ABCB5: variants seen among roughly 807,000 people sequenced by gnomAD.
The protein encoded by ABCB5 is ATP-binding cassette sub-family B member 5.
ABCB5 carries 155 observed loss-of-function variants against 144.2 expected under a neutral mutation model. The ratio of observed to expected loss-of-function variants is 1.08; its 90% CI spans 0.94 to 1.23. The LOEUF is 1.23. Among genes scored for constraint, ABCB5 ranks in the 50% most tolerant of loss-of-function variants. The probability of loss-of-function intolerance (pLI) is 0.00; values close to 1 mark genes in which losing one functional copy is unlikely to be tolerated. For synonymous variants in ABCB5, 610 were observed against 528.6 expected, an observed-to-expected ratio of 1.15 and a Z score of -2.11; for missense variants, 1,830 against 1,520.8, an observed-to-expected ratio of 1.20 and a Z score of -3.38.
At chr7:20,708,057 G>A (rs1034403758) in intron 20 of ABCB5, among the ~76,000 whole-genome samples, 1 of 151,796 alleles carries the variant, frequency 6.6e-6, no homozygotes, top group African/African-American at 2.4e-5. Context: ...CGCCCGCCTC[G>A]GCCTCCCAAA....
chr7:20,642,394 A>G (rs2128022623), intron 5 of ABCB5, among the ~76,000 whole-genome samples: 1 of 152,304 alleles, frequency 6.6e-6, no homozygotes, highest in South Asian at 2.1e-4. Flanking sequence ...TTTGGATCCC[A>G]GCTATAATAT....
intron 13 of ABCB5, among the ~76,000 whole-genome samples, chr7:20,656,906 CTTTTTCTTTTTTTTTT>C (rs1784814499): frequency 7.4e-6 from 1 of 135,740 alleles, no homozygotes; most frequent in South Asian, 2.2e-4. Flanking sequence ...TTTCTTTTTC[CTTTTTCTTTTTTTTTT>C]TTTTTTTTTT....
intron 21 of ABCB5, among the ~76,000 whole-genome samples, chr7:20,726,178 T>C (rs1044628648): frequency 6.6e-6 from 1 of 152,168 alleles, no homozygotes; most frequent in African/African-American, 2.4e-5. Context: ...ATTCATCACA[T>C]TTGAATTAAA....
chr7:20,624,915 G>A (rs1482702354), intron 2 of ABCB5, among the ~76,000 whole-genome samples: 2 of 152,218 alleles, frequency 1.3e-5, no homozygotes, highest in African/African-American at 4.8e-5. Flanking sequence ...TGTAGAGGGA[G>A]GAGACCCCCA....
At position 20,711,466 on chromosome 7, in the gene ABCB5, C is replaced by CT. The variant is rs145446888; in HGVS notation, c.2421+6672dup. ...AGTTTTTTCTTTCCATTCTTTCTTT[C>CT]TTTTTTTTTTTTTGAGACACGGTCT... On this transcript the variant is annotated intron_variant, in intron 20 of 27. Coordinates refer to ENST00000404938, the MANE Select transcript of ABCB5 (RefSeq NM_001163941.2). Among the ~76,000 whole-genome samples the CT allele has an allele frequency of 3.7e-3, 504 of 135,586 alleles. 33 individuals are homozygous for CT. The highest frequency in any genetic ancestry group is 5.5e-3 in the African/African-American group (202 of 36,832). The allele number at this position is 135,586 out of a possible 152,430, so 88.9% of individuals were successfully genotyped here.
At chr7:20,638,793 G>C (rs1247665542) in intron 5 of ABCB5, among the ~76,000 whole-genome samples, 1 of 151,998 alleles carries the variant, frequency 6.6e-6, no homozygotes, top group African/African-American at 2.4e-5. Context: ...CTACTTTTTG[G>C]CTATTTACAA....
intron 23 of ABCB5, among the ~76,000 whole-genome samples, chr7:20,731,367 A>T (rs200909033): frequency 0.037 from 3,956 of 108,318 alleles, 64 homozygotes; most frequent in African/African-American, 0.059. Context: ...AAAAAAAAAA[A>T]AAATATATAT....
chr7:20,729,608 A>T (rs1202574607), intron 23 of ABCB5, among the ~76,000 whole-genome samples: 1 of 152,238 alleles, frequency 6.6e-6, no homozygotes, highest in Non-Finnish European at 1.5e-5. Flanking sequence ...ATTAATTTTG[A>T]GTATTAATTC....
chr7:20,615,919 G>C (rs1428508690), intron 1 of ABCB5, 82 bp downstream of exon 1: 2 of 152,284 alleles, frequency 1.3e-5, no homozygotes, highest in South Asian at 2.1e-4. Context: ...ATCTTAGAAA[G>C]AATAGTTTGT....
In ABCB5 at chr7:20,755,437, A is replaced by T; in HGVS notation, c.3587A>T (p.His1196Leu). The T allele has an allele frequency of 6.2e-7, 1 of 1,614,192 alleles. No homozygotes were observed. Among genetic ancestry groups the T allele is most frequent in the East Asian group, 2.2e-5 (1 of 44,890 alleles). The change falls in exon 28 of 28, where the codon CAT becomes CTT. Residue 1196 changes from histidine to leucine, a missense_variant. Transcript: ENST00000404938. ...LDNDSEKVVQHALDKARTGRT... is the reference protein window; with the variant it reads ...LDNDSEKVVQLALDKARTGRT... ...CTTTCTCTCTTCCAGGTGGTTCAGC[A>T]TGCCCTTGATAAAGCCAGGACGGGA...
At chr7:20,735,765 T>C (rs568450508) in intron 23 of ABCB5, among the ~76,000 whole-genome samples, 2 of 152,270 alleles carry the variant, frequency 1.3e-5, no homozygotes, top group South Asian at 2.1e-4. Flanking sequence ...AGGAAGACCA[T>C]GTAGGGGAAA....
intron 16 of ABCB5, among the ~76,000 whole-genome samples, chr7:20,686,092 C>T (rs1242069970): frequency 2.6e-5 from 4 of 152,002 alleles, no homozygotes; most frequent in African/African-American, 9.7e-5. Flanking sequence ...TGATGTTTTT[C>T]CTATGAAGCA....
intron 3 of ABCB5, 103 bp from the exon 4 acceptor site, chr7:20,628,585 T>A: frequency 8.4e-7 from 1 of 1,191,184 alleles, no homozygotes; most frequent in Non-Finnish European, 1.2e-6. Context: ...TAAAGTCATG[T>A]TTACTAGGTG....
At position 20,615,766 on chromosome 7, in the gene ABCB5, C is replaced by T. The variant is rs1783670095; in HGVS notation, c.-93C>T. 1 of 152,290 alleles carries T rather than the reference C, an allele frequency of 6.6e-6. No individual in the cohort carries two copies. Among genetic ancestry groups the T allele is most frequent in the African/African-American group, 2.4e-5 (1 of 41,434 alleles). 9.4% of individuals were successfully genotyped at this position (152,290 alleles called of 1,614,324 possible). The stretch of plus-strand genomic sequence containing the variant: ...GCTTTATCCTATCCTCTTCAGAAGA[C>T]TTCAGTCTTTTCTCTTAAGGACTTC... On this transcript the variant is annotated 5_prime_UTR_variant, in exon 1 of 28. Transcript: ENST00000404938.
At chr7:20,623,236 A>C in intron 1 of ABCB5, 29 bp from the exon 2 acceptor site, 1 of 1,258,420 alleles carries the variant, frequency 7.9e-7, no homozygotes. Context: ...TCACATAGCC[A>C]TAATACATTT....
chr7:20,738,982 G>A lies in ABCB5; in HGVS notation c.2868-1G>A. On this transcript the variant is annotated splice_acceptor_variant, in intron 23 of 27. Transcript: ENST00000404938. LOFTEE classifies it high-confidence loss of function. Reference sequence around the variant, plus strand: ...GATTCAAATGCTTTATCTTTTGATAGAGTTTTTACTGCAATTGCATATGGA... The same window carrying A: ...GATTCAAATGCTTTATCTTTTGATAAAGTTTTTACTGCAATTGCATATGGA... 1 of 1,587,760 alleles carries A rather than the reference G, an allele frequency of 6.3e-7. No homozygotes were observed. The highest frequency in any genetic ancestry group is 8.6e-7 in the Non-Finnish European group (1 of 1,168,152).
intron 1 of ABCB5, among the ~76,000 whole-genome samples, chr7:20,622,348 A>G (rs895411401): frequency 2.6e-5 from 4 of 152,134 alleles, no homozygotes; most frequent in Admixed American, 2.0e-4. Context: ...CTCCCATATG[A>G]AGTATGACCA....
chr7:20,697,324 T>G (rs1483131491), intron 16 of ABCB5, among the ~76,000 whole-genome samples: 1 of 152,180 alleles, frequency 6.6e-6, no homozygotes, highest in Non-Finnish European at 1.5e-5. Flanking sequence ...ATAAACTATT[T>G]TATAGTCTTA....
Position 20,623,336 on chromosome 7 carries a change from T to C in ABCB5, c.51T>C (p.Asn17=). ...AEEMQENYQR[N]GTAEEQPKLR... is the part of the protein sequence containing the mutation. ...AAATGCAAGAAAATTATCAGAGAAATGGGTAAGCTCTCACTAAGTTCTGTA... is the reference window on the plus strand; with the variant it reads ...AAATGCAAGAAAATTATCAGAGAAACGGGTAAGCTCTCACTAAGTTCTGTA... Residue 17 remains asparagine, a splice_region_variant and synonymous_variant, in exon 2 of 28, where the codon AAT becomes AAC. Transcript: ENST00000404938. The C allele has an allele frequency of 1.3e-6, 2 of 1,549,030 alleles. No individual in the cohort carries two copies. Among genetic ancestry groups the C allele is most frequent in the South Asian group, 2.4e-5 (2 of 84,010 alleles).
Sources: allele counts gnomAD v4.1 joint callset (sites outside exome capture counted in the v4.1 genomes callset), GRCh38; gene constraint gnomAD v4.1.1; transcripts MANE v1.5; gene names NCBI Gene and HGNC (gene_info 2026-07-23, HGNC 2026-07-21).